RASA1: variants seen among roughly 807,000 people sequenced by gnomAD.
The protein encoded by RASA1 is ras GTPase-activating protein 1.
Under a neutral mutation model 132.2 loss-of-function variants are expected in RASA1, and 25 were observed. That is an observed-to-expected ratio of 0.19 (90% CI 0.14 to 0.26). The LOEUF (loss-of-function observed/expected upper bound fraction) is 0.26. Ranked by LOEUF, RASA1 falls within the 10% of genes least tolerant of loss-of-function variation. The pLI is 1.00. For missense variants in RASA1, 964 were observed against 1,299.2 expected (o/e 0.74, Z 3.97); for synonymous variants, 477 against 449.9 (o/e 1.06, Z -0.76).
chr5:87,339,789 T>C (rs1352737460), intron 5 of RASA1, among the ~76,000 whole-genome samples: 1 of 152,136 alleles, frequency 6.6e-6, no homozygotes, highest in African/African-American at 2.4e-5. Context: ...TAATTCCACG[T>C]CATTTATAAA....
rs143365058 is a variant in RASA1, at chr5:87,296,455, T to C, written c.539+27465T>C. On this transcript the variant is annotated intron_variant, in intron 1 of 24. Coordinates refer to ENST00000274376, the MANE Select transcript of RASA1 (RefSeq NM_002890.3). ...GAGTTTCTGACCTATATCATTATCC[T>C]CTTTCATGAAATTATTTTAATGTGT... Among the ~76,000 whole-genome samples, 572 of 152,348 alleles carry C rather than the reference T, an allele frequency of 3.8e-3. 6 individuals are homozygous for C. Among genetic ancestry groups the C allele is most frequent in the Non-Finnish European group, 5.9e-3 (398 of 68,034 alleles).
intron 4 of RASA1, among the ~76,000 whole-genome samples, chr5:87,335,258 A>G (rs751712551): frequency 4.6e-5 from 7 of 152,156 alleles, no homozygotes; most frequent in South Asian, 2.1e-4. Context: ...GAGTGAGTCT[A>G]TTATTTCAAG....
At chr5:87,298,517 G>C (rs1396697241) in intron 1 of RASA1, among the ~76,000 whole-genome samples, 1 of 152,152 alleles carries the variant, frequency 6.6e-6, no homozygotes, top group African/African-American at 2.4e-5. Flanking sequence ...GTTAAAAAGA[G>C]ATTGGTTTGT....
chr5:87,386,489 T>C (rs1166502511), intron 22 of RASA1, among the ~76,000 whole-genome samples: 1 of 152,070 alleles, frequency 6.6e-6, no homozygotes, highest in Non-Finnish European at 1.5e-5. Context: ...AATTTATATA[T>C]AAACAATTTG....
At chr5:87,352,695 A>G (rs1030678999) in intron 8 of RASA1, among the ~76,000 whole-genome samples, 2 of 151,422 alleles carry the variant, frequency 1.3e-5, no homozygotes, top group African/African-American at 4.8e-5. Flanking sequence ...CATGTGTTTT[A>G]TGACCTGTTT....
intron 4 of RASA1, among the ~76,000 whole-genome samples, chr5:87,334,618 A>G (rs1757834134): frequency 6.6e-6 from 1 of 152,228 alleles, no homozygotes; most frequent in African/African-American, 2.4e-5. Flanking sequence ...AAAGCAATGG[A>G]TGGTAAAACT....
chr5:87,278,072 C>T (rs2112240013), intron 1 of RASA1, among the ~76,000 whole-genome samples: 1 of 152,216 alleles, frequency 6.6e-6, no homozygotes, highest in Non-Finnish European at 1.5e-5. Context: ...AGAGATCTCC[C>T]TCACCTCTTT....
intron 6 of RASA1, among the ~76,000 whole-genome samples, 172 bp downstream of exon 6, chr5:87,341,493 C>G (rs1262000666): frequency 2.0e-5 from 3 of 151,876 alleles, no homozygotes; most frequent in Non-Finnish European, 4.4e-5. Flanking sequence ...GTGATAAAGT[C>G]TTGTTTTTAA....
intron 1 of RASA1, among the ~76,000 whole-genome samples, chr5:87,301,532 A>G (rs1454262078): frequency 6.6e-6 from 1 of 152,146 alleles, no homozygotes; most frequent in African/African-American, 2.4e-5. Flanking sequence ...ACAAAATTCT[A>G]ACTTCTTGTA....
chr5:87,374,841 G>A lies in RASA1; in HGVS notation c.1936G>A (p.Asp646Asn), dbSNP rs1761213539. 2 of 1,608,572 alleles carry A rather than the reference G, an allele frequency of 1.2e-6. No individual in the cohort carries two copies. The highest frequency in any genetic ancestry group is 8.5e-7 in the Non-Finnish European group (1 of 1,177,072). Residue 646 changes from aspartate (D) to asparagine (N), a missense_variant and splice_region_variant, in exon 15 of 25, where the codon GAT becomes AAT. Asp to Asn is a conservative substitution (Grantham distance 23). Around this residue, in one of 6 missense-constraint regions of RASA1, gnomAD observed 346 missense variants for 520.1 expected, o/e 0.67. Coordinates refer to ENST00000274376, the MANE Select transcript of RASA1 (RefSeq NM_002890.3). ...PVWSEEFVFD[D>N]LPPDINRFEI... ...TTCTTTTTCTCCTTGCTCCTTTAGT[G>A]ATCTTCCTCCTGACATCAATAGATT...
intron 1 of RASA1, among the ~76,000 whole-genome samples, chr5:87,300,713 TAGA>T (rs1406543826): frequency 3.9e-5 from 6 of 152,202 alleles, no homozygotes; most frequent in African/African-American, 7.2e-5. Context: ...TGCATACTAT[TAGA>T]AGAGCTTTTT....
intron 4 of RASA1, among the ~76,000 whole-genome samples, 179 bp downstream of exon 4, chr5:87,333,516 T>C (rs930472742): frequency 1.2e-4 from 19 of 152,180 alleles, no homozygotes; most frequent in African/African-American, 4.6e-4. Context: ...GTTCAGACTG[T>C]GGTTTTGGAT....
intron 11 of RASA1, among the ~76,000 whole-genome samples, chr5:87,367,733 C>T (rs1201798710): frequency 6.6e-6 from 1 of 152,110 alleles, no homozygotes; most frequent in African/African-American, 2.4e-5. Flanking sequence ...TATTGCTTTA[C>T]ATTTATTTAT....
rs372369767 is a variant in RASA1, at chr5:87,378,551, T to A, written c.2487+13T>A. 529 of 1,593,964 alleles carry A rather than the reference T, an allele frequency of 3.3e-4. 2 individuals are homozygous for A. Among genetic ancestry groups the A allele is most frequent in the Middle Eastern group, 1.5e-3 (9 of 6,020 alleles). ...GCAGTCTTGTGAGGTAAGAATTTAA[T>A]GTTTTAATAAGTATTTTTGCAAAGA... On this transcript the variant is annotated intron_variant, in intron 18 of 24. Transcript: ENST00000274376.
At chr5:87,322,310 A>T (rs1756882641) in intron 1 of RASA1, among the ~76,000 whole-genome samples, 1 of 152,180 alleles carries the variant, frequency 6.6e-6, no homozygotes, top group Middle Eastern at 3.2e-3. Flanking sequence ...GATCAGCAGC[A>T]GCATTAGATT....
At chr5:87,361,264 G>A (rs556949005) in intron 9 of RASA1, among the ~76,000 whole-genome samples, 11 of 152,246 alleles carry the variant, frequency 7.2e-5, no homozygotes, top group African/African-American at 2.6e-4. Flanking sequence ...TTTAGCATGC[G>A]TGCCACAGTT....
intron 1 of RASA1, among the ~76,000 whole-genome samples, chr5:87,324,609 GAACT>G (rs1198328054): frequency 2.0e-5 from 3 of 152,076 alleles, no homozygotes; most frequent in Non-Finnish European, 2.9e-5. Flanking sequence ...CCCTTACTTT[GAACT>G]AACTTGATCT....
At chr5:87,361,063 T>A (rs1760053263) in intron 9 of RASA1, among the ~76,000 whole-genome samples, 1 of 152,166 alleles carries the variant, frequency 6.6e-6, no homozygotes, top group Non-Finnish European at 1.5e-5. Flanking sequence ...GTAGAGATTA[T>A]TTATTTCAGT....
At chr5:87,296,028 G>T (rs1755103530) in intron 1 of RASA1, among the ~76,000 whole-genome samples, 1 of 152,110 alleles carries the variant, frequency 6.6e-6, no homozygotes, top group African/African-American at 2.4e-5. Flanking sequence ...TGTTGGCCAG[G>T]CTGGTGTTGA....
Sources: allele counts gnomAD v4.1 joint callset (sites outside exome capture counted in the v4.1 genomes callset), GRCh38; gene constraint gnomAD v4.1.1; regional missense constraint gnomAD v4.1.1; transcripts MANE v1.5; gene names NCBI Gene and HGNC (gene_info 2026-07-23, HGNC 2026-07-21).